TANC2: variants seen among roughly 807,000 people sequenced by gnomAD.
The protein encoded by TANC2 is protein TANC2.
Under a neutral mutation model 210.5 loss-of-function variants are expected in TANC2, and 26 were observed. The observed-to-expected ratio is 0.12, with a 90% CI of 0.09 to 0.17. The LOEUF (loss-of-function observed/expected upper bound fraction) is 0.17, where lower values mean the gene tolerates loss of function less well. Ranked by LOEUF, TANC2 falls within the 10% of genes least tolerant of loss-of-function variation. TANC2 has a pLI of 1.00. For synonymous variants in TANC2, 931 were observed against 967.1 expected, an observed-to-expected ratio of 0.96 and a Z score of 0.69; for missense variants, 2,129 against 2,608.9, an observed-to-expected ratio of 0.82 and a Z score of 4.01.
intron 5 of TANC2, among the ~76,000 whole-genome samples, chr17:63,190,408 G>T (rs1455367633): frequency 1.3e-5 from 2 of 152,140 alleles, no homozygotes; most frequent in African/African-American, 2.4e-5. Context: ...TATTTCATTG[G>T]TCTATTCTGA....
At chr17:63,251,969 C>G (rs1384638254) in intron 8 of TANC2, among the ~76,000 whole-genome samples, 1 of 152,150 alleles carries the variant, frequency 6.6e-6, no homozygotes, top group African/African-American at 2.4e-5. Context: ...ATTAGCTTAA[C>G]TTGTTAAAAC....
chr17:63,420,762 C>T lies in TANC2; in HGVS notation c.5032C>T (p.Leu1678Phe), dbSNP rs2049001479. Residue 1678 changes from leucine (L) to phenylalanine (F), a missense_variant, in exon 28 of 28, where the codon CTC becomes TTC. Leu to Phe is a conservative substitution (Grantham distance 22, BLOSUM62 0). Transcript: ENST00000689528. This position sits in a 1 kb window ranked among gnomAD's most constrained non-coding sequence, Gnocchi z 4.2. ...CCAGCGGCCCTACCAGATGCCTCAG[C>T]TCCCTGTGGCAGTTCCCCAGCAAGG... 6.2e-7 allele frequency: 1 copy of T among 1,614,036 alleles called. No homozygotes were observed. Among genetic ancestry groups the T allele is most frequent in the Non-Finnish European group, 8.5e-7 (1 of 1,179,888 alleles).
At chr17:63,337,246 G>T (rs1354803357) in intron 11 of TANC2, among the ~76,000 whole-genome samples, 1 of 152,090 alleles carries the variant, frequency 6.6e-6, no homozygotes, top group Non-Finnish European at 1.5e-5. Flanking sequence ...AAAATTAAAA[G>T]AGAGGCAGCC....
At chr17:63,300,283 T>A (rs552861845) in intron 9 of TANC2, among the ~76,000 whole-genome samples, 57 of 152,318 alleles carry the variant, frequency 3.7e-4, no homozygotes, top group Non-Finnish European at 6.9e-4. Flanking sequence ...TTCAGTTCCA[T>A]ATGAATTTTA....
At chr17:63,166,618 G>A (rs2040220278) in intron 5 of TANC2, among the ~76,000 whole-genome samples, 1 of 152,176 alleles carries the variant, frequency 6.6e-6, no homozygotes, top group Non-Finnish European at 1.5e-5. Flanking sequence ...GTTTGAATGT[G>A]GAGCTCAGAA....
At chr17:63,270,778 A>C (rs976161210) in intron 9 of TANC2, among the ~76,000 whole-genome samples, 1 of 152,082 alleles carries the variant, frequency 6.6e-6, no homozygotes, top group South Asian at 2.1e-4. Context: ...TATTAAGCCT[A>C]GTATCCATTC....
At chr17:63,040,034 T>C (rs2035123406) in intron 2 of TANC2, among the ~76,000 whole-genome samples, 1 of 152,204 alleles carries the variant, frequency 6.6e-6, no homozygotes, top group Admixed American at 6.5e-5. Flanking sequence ...AATGTCTCTT[T>C]CCCTATATTG....
intron 8 of TANC2, among the ~76,000 whole-genome samples, chr17:63,255,474 T>C (rs2043167661): frequency 6.6e-6 from 1 of 152,168 alleles, no homozygotes; most frequent in Non-Finnish European, 1.5e-5. Context: ...GGGAGACTTT[T>C]TATTATGGTT....
rs151204241 is a variant in TANC2 at position 63,135,557 on chromosome 17, A to G, written c.323-15713A>G. On this transcript the variant is annotated intron_variant, in intron 4 of 27. Transcript: ENST00000689528. ...TTTTGTTGACAGTAATACTTTATAT[A>G]AAATTTAAAAATAGGAAGGCCATAT... is the stretch of plus-strand genomic sequence containing the variant. Among the ~76,000 whole-genome samples the G allele has an allele frequency of 1.3e-3, 201 of 152,252 alleles. 2 individuals are homozygous for G. The highest frequency in any genetic ancestry group is 4.5e-3 in the African/African-American group (188 of 41,548).
At chr17:63,367,344 C>T (rs1567958092) in intron 14 of TANC2, among the ~76,000 whole-genome samples, 1 of 152,220 alleles carries the variant, frequency 6.6e-6, no homozygotes, top group Non-Finnish European at 1.5e-5. Context: ...CCCCGGGAGG[C>T]TTTGAATGTG....
At chr17:63,068,814 A>C (rs1379453089) in intron 2 of TANC2, among the ~76,000 whole-genome samples, 2 of 152,060 alleles carry the variant, frequency 1.3e-5, no homozygotes, top group Non-Finnish European at 2.9e-5. Flanking sequence ...CACACAGATA[A>C]ATTTCAAAAC....
intron 3 of TANC2, among the ~76,000 whole-genome samples, chr17:63,089,715 C>A (rs1033807828): frequency 2.0e-5 from 3 of 152,008 alleles, no homozygotes; most frequent in African/African-American, 7.3e-5. Context: ...ATAATTTAGG[C>A]CAAACCCCAT....
chr17:63,031,058 A>G (rs1186276691), intron 2 of TANC2, among the ~76,000 whole-genome samples: 1 of 152,140 alleles, frequency 6.6e-6, no homozygotes. Context: ...TGCAAAGCTG[A>G]GGACTGGGCC....
intron 13 of TANC2, among the ~76,000 whole-genome samples, chr17:63,353,051 G>A (rs796203778): frequency 1.6e-4 from 25 of 152,220 alleles, no homozygotes; most frequent in African/African-American, 5.5e-4. Flanking sequence ...AAGGCCTCTC[G>A]TTTAAAAGTG....
chr17:63,122,688 C>T (rs925537290), intron 4 of TANC2, among the ~76,000 whole-genome samples: 27 of 152,124 alleles, frequency 1.8e-4, no homozygotes, highest in African/African-American at 6.3e-4. Flanking sequence ...GCCGAGATCA[C>T]ACCACTGTAC....
chr17:63,175,534 A>C (rs8080819), intron 5 of TANC2, among the ~76,000 whole-genome samples: 3,163 of 30,394 alleles, frequency 0.1, 156 homozygotes, highest in African/African-American at 0.42. Flanking sequence ...CTCCCCCGCC[A>C]AAAAAAAAAA....
intron 3 of TANC2, among the ~76,000 whole-genome samples, chr17:63,087,693 G>T (rs1306730192): frequency 6.6e-6 from 1 of 152,066 alleles, no homozygotes; most frequent in Non-Finnish European, 1.5e-5. Context: ...ACAAAAGATT[G>T]GGGCCCCTCT....
At chr17:63,237,615 T>C (rs1010399604) in intron 7 of TANC2, among the ~76,000 whole-genome samples, 199 bp from the exon 8 acceptor site, 2 of 152,140 alleles carry the variant, frequency 1.3e-5, no homozygotes, top group African/African-American at 2.4e-5. Flanking sequence ...AAGTCTTTAG[T>C]GTATCTTGAG....
At chr17:62,970,653 G>T (rs1011681760) in intron 1 of TANC2, among the ~76,000 whole-genome samples, 1 of 152,168 alleles carries the variant, frequency 6.6e-6, no homozygotes, top group Non-Finnish European at 1.5e-5. Context: ...TAGAACAAGT[G>T]TGCATAAAAG....
Sources: allele counts gnomAD v4.1 joint callset (sites outside exome capture counted in the v4.1 genomes callset), GRCh38; gene constraint gnomAD v4.1.1; non-coding constraint Gnocchi (gnomAD v3.1); transcripts MANE v1.5; gene names NCBI Gene and HGNC (gene_info 2026-07-23, HGNC 2026-07-21).